The following DGKH variants were observed in gnomAD, a reference collection of about 807,000 sequenced individuals.
The protein encoded by DGKH is DAG kinase eta.
DGKH carries 90 observed loss-of-function variants against 159.3 expected under a neutral mutation model. The ratio of observed to expected loss-of-function variants is 0.57; its 90% CI spans 0.48 to 0.67. DGKH has a LOEUF of 0.67. Among genes scored for constraint, DGKH ranks in the 30% least tolerant of loss-of-function variants. DGKH has a pLI of 0.00. For synonymous variants in DGKH, 536 were observed against 553.8 expected (o/e 0.97, Z 0.45); for missense variants, 1,181 against 1,506.1 (o/e 0.78, Z 3.57).
intron 29 of DGKH, among the ~76,000 whole-genome samples, chr13:42,250,560 C>T (rs1160645276): frequency 6.6e-6 from 1 of 152,052 alleles, no homozygotes; most frequent in Non-Finnish European, 1.5e-5. Flanking sequence ...GTTGAAGAAC[C>T]TGGGTCATAC....
chr13:42,162,478 A>T (rs923931957), intron 7 of DGKH, among the ~76,000 whole-genome samples: 4 of 151,964 alleles, frequency 2.6e-5, no homozygotes, highest in African/African-American at 7.3e-5. Context: ...GCACCATTCC[A>T]CTCCAGCCTG....
At chr13:42,083,444 G>A (rs1017361798) in intron 1 of DGKH, among the ~76,000 whole-genome samples, 1 of 152,180 alleles carries the variant, frequency 6.6e-6, no homozygotes, top group African/African-American at 2.4e-5. Flanking sequence ...CTCAAATGGA[G>A]AACTTTTAAA....
chr13:42,146,232 G>GATCT (rs1466172053), intron 3 of DGKH, among the ~76,000 whole-genome samples: 1 of 146,216 alleles, frequency 6.8e-6, no homozygotes, highest in African/African-American at 2.5e-5. Context: ...GAAAATGTAG[G>GATCT]ATCTTGTCCA....
intron 1 of DGKH, among the ~76,000 whole-genome samples, chr13:42,112,436 G>A (rs189405990): frequency 7.2e-5 from 11 of 152,188 alleles, no homozygotes; most frequent in East Asian, 1.9e-4. Context: ...AGTGAGCCAC[G>A]ATGCCTGGCC....
At position 42,180,682 on chromosome 13, in the gene DGKH, T is replaced by TG. The variant is rs569149848; in HGVS notation, c.1538+2463dup. On this transcript the variant is annotated intron_variant, in intron 13 of 29. Coordinates refer to ENST00000337343, the MANE Select transcript of DGKH (RefSeq NM_178009.5). ...TGCCCTTAAGCAGATTCCATTCTGA[T>TG]GCAGCATCCCTCCTGTCACTCACTC... 6.3e-4 allele frequency among the ~76,000 whole-genome samples: 96 copies of TG among 152,300 alleles called. 1 individual carries two copies. In the South Asian group the frequency reaches 0.013, roughly 20 times the overall value.
chr13:42,100,699 A>G (rs1954636915), intron 1 of DGKH, among the ~76,000 whole-genome samples: 1 of 152,206 alleles, frequency 6.6e-6, no homozygotes, highest in Non-Finnish European at 1.5e-5. Context: ...ATTTTGTATA[A>G]AGAGAATCTA....
At chr13:42,173,928 C>A in intron 11 of DGKH, 132 bp from the exon 12 acceptor site, 2 of 497,192 alleles carry the variant, frequency 4.0e-6, no homozygotes, top group South Asian at 4.2e-5. Context: ...ATAAAATAAA[C>A]CATAGTTCAT....
chr13:42,118,141 C>T (rs973727349), intron 1 of DGKH, among the ~76,000 whole-genome samples: 2 of 151,966 alleles, frequency 1.3e-5, no homozygotes, highest in African/African-American at 2.4e-5. Flanking sequence ...GGCATGAACC[C>T]GGGAGGCGGA....
intron 3 of DGKH, among the ~76,000 whole-genome samples, chr13:42,139,305 C>T (rs1955480048): frequency 6.6e-6 from 1 of 152,214 alleles, no homozygotes. Flanking sequence ...AGCATGTCCT[C>T]GGTTCTTCTG....
At chr13:42,072,002 A>C (rs1274199696) in intron 1 of DGKH, among the ~76,000 whole-genome samples, 4 of 152,208 alleles carry the variant, frequency 2.6e-5, no homozygotes, top group Non-Finnish European at 5.9e-5. Context: ...CCCTGGCATC[A>C]CTACTCAGTG....
At chr13:42,122,102 G>C (rs559039745) in intron 1 of DGKH, among the ~76,000 whole-genome samples, 1 of 152,208 alleles carries the variant, frequency 6.6e-6, no homozygotes, top group East Asian at 1.9e-4. Context: ...CATAATTTCT[G>C]GTAGAACTTT....
chr13:42,098,957 A>G (rs758863622), intron 1 of DGKH, among the ~76,000 whole-genome samples: 1 of 152,230 alleles, frequency 6.6e-6, no homozygotes, highest in Non-Finnish European at 1.5e-5. Flanking sequence ...AATTCATAGG[A>G]AACATGATTA....
At chr13:42,244,814 G>C (rs985014475), downstream of DGKH, among the ~76,000 whole-genome samples, 4 of 141,470 alleles carry the variant, frequency 2.8e-5, no homozygotes, top group Non-Finnish European at 6.1e-5. Flanking sequence ...TGAGGCAGGA[G>C]AATGGCGTGA....
intron 1 of DGKH, among the ~76,000 whole-genome samples, chr13:42,111,297 T>C (rs1202958246): frequency 1.3e-5 from 2 of 152,164 alleles, no homozygotes; most frequent in Admixed American, 6.5e-5. Context: ...ATATGTTGGA[T>C]AGGCCAGGCA....
chr13:42,201,867 T>C lies in DGKH; in HGVS notation c.2493+1958T>C, dbSNP rs1393321143. ...TAACTTCAAAGTGATGATGAACTTA[T>C]ATACAAGATATCTGAAACATCTATA... On this transcript the variant is annotated intron_variant, in intron 20 of 29. Coordinates refer to ENST00000337343, the MANE Select transcript of DGKH (RefSeq NM_178009.5). Among the ~76,000 whole-genome samples the C allele has an allele frequency of 2.0e-5, 3 of 152,358 alleles. No homozygotes were observed. In the East Asian group the frequency reaches 5.8e-4, roughly 29 times the overall value.
rs17646069 is a variant in DGKH, at chr13:42,229,127, T to C, written c.3602T>C (p.Val1201Ala). Residue 1201 changes from valine to alanine, a missense_variant, in exon 30 of 30, where the codon GTG becomes GCG. Physicochemically the swap from Val to Ala is moderately conservative, Grantham distance 64 (BLOSUM62 0). Coordinates refer to ENST00000337343, the MANE Select transcript of DGKH (RefSeq NM_178009.5). ...CTGGGGATACCGAAAGTGGGTCATGTGAAGCGAATTCTCCAGGGAATTAAA... is the reference window on the plus strand; with the variant it reads ...CTGGGGATACCGAAAGTGGGTCATGCGAAGCGAATTCTCCAGGGAATTAAA... ...KDLGIPKVGH[V>A]KRILQGIKEL... 55,575 of 1,611,378 alleles carry C rather than the reference T, an allele frequency of 0.034. 1,468 individuals carry two copies. The highest frequency in any genetic ancestry group is 0.14 in the East Asian group (6,396 of 44,684).
At chr13:42,123,543 T>C (rs1955113876) in intron 1 of DGKH, among the ~76,000 whole-genome samples, 1 of 6,194 alleles carries the variant, frequency 1.6e-4, no homozygotes, top group East Asian at 6.1e-3. Context: ...ATTAATACAA[T>C]GGAAAAAAAA....
At chr13:42,088,809 C>G (rs1229662364) in intron 1 of DGKH, among the ~76,000 whole-genome samples, 1 of 152,130 alleles carries the variant, frequency 6.6e-6, no homozygotes, top group African/African-American at 2.4e-5. Context: ...TAAACACTTC[C>G]TTTTGAATGC....
intron 13 of DGKH, among the ~76,000 whole-genome samples, chr13:42,186,010 G>GGT (rs3039205): frequency 0.015 from 2,033 of 132,342 alleles, 40 homozygotes; most frequent in East Asian, 0.072. Context: ...TGGTGGTGGT[G>GGT]GTGTGTGTGT....
Sources: gnomAD v4.1 joint callset for allele counts (sites outside exome capture counted in the v4.1 genomes callset) on GRCh38, gnomAD v4.1.1 for gene constraint, MANE v1.5 for transcripts, NCBI Gene and HGNC (gene_info 2026-07-23, HGNC 2026-07-21) for gene names.